The following CRTC3 variants were observed in gnomAD, a reference collection of about 807,000 sequenced individuals.
CRTC3 encodes the protein CREB regulated transcription coactivator 3.
A neutral mutation model predicts 74.5 loss-of-function variants in CRTC3; 26 were observed. The ratio of observed to expected loss-of-function variants is 0.35; its 90% confidence interval spans 0.26 to 0.48. CRTC3 has a LOEUF of 0.48. Among genes scored for constraint, CRTC3 ranks in the 20% least tolerant of loss-of-function variants. The pLI is 0.99. For synonymous variants in CRTC3, 377 were observed against 325.8 expected, an observed-to-expected ratio of 1.16 and a Z score of -1.69; for missense variants, 760 against 787.3, an observed-to-expected ratio of 0.97 and a Z score of 0.41.
At chr15:90,561,248 G>A (rs928464624) in intron 2 of CRTC3, among the ~76,000 whole-genome samples, 1 of 152,172 alleles carries the variant, frequency 6.6e-6, no homozygotes, top group Non-Finnish European at 1.5e-5. Flanking sequence ...ACTCCCTGTT[G>A]CAGCCTTCTA....
chr15:90,642,325 G>T lies in CRTC3; in HGVS notation c.*185G>T. 1.7e-6 allele frequency: 1 copy of T among 601,856 alleles called. No individual in the cohort carries two copies. The highest frequency in any genetic ancestry group is 2.9e-5 in the Admixed American group (1 of 34,260). 37.3% of individuals were successfully genotyped at this position (601,856 alleles called of 1,614,324 possible). A position where few individuals can be genotyped will look rare whatever the true frequency, so the allele number is the denominator to read the frequency against. ...GGCTTCCTCCAGATCACACAGCTTT[G>T]TACTGCCTCTCCCGCCTGTGGCCAA... On this transcript the variant is annotated 3_prime_UTR_variant, in exon 15 of 15. Coordinates refer to ENST00000268184, the MANE Select transcript of CRTC3 (RefSeq NM_022769.5).
chr15:90,576,559 A>C (rs1423440045), intron 2 of CRTC3, among the ~76,000 whole-genome samples: 2 of 152,032 alleles, frequency 1.3e-5, no homozygotes, highest in Non-Finnish European at 2.9e-5. Context: ...TGGGCTAGAG[A>C]GATGGAGTGA....
intron 2 of CRTC3, among the ~76,000 whole-genome samples, chr15:90,592,180 G>A (rs1177172171): frequency 6.6e-6 from 1 of 152,144 alleles, no homozygotes; most frequent in Non-Finnish European, 1.5e-5. Flanking sequence ...AAAACATTGC[G>A]TCACAGGATT....
chr15:90,634,435 C>G (rs900390594), intron 11 of CRTC3, among the ~76,000 whole-genome samples: 3 of 152,114 alleles, frequency 2.0e-5, no homozygotes, highest in African/African-American at 4.8e-5. Flanking sequence ...TCATCCATAC[C>G]CTGCTTTTAA....
intron 7 of CRTC3, among the ~76,000 whole-genome samples, chr15:90,616,396 AC>A (rs1388147022): frequency 6.6e-6 from 1 of 152,240 alleles, no homozygotes; most frequent in Non-Finnish European, 1.5e-5. Flanking sequence ...TTTATTAAAT[AC>A]AAGATAAACT....
At chr15:90,616,821 C>T (rs940619182) in intron 7 of CRTC3, among the ~76,000 whole-genome samples, 1 of 152,228 alleles carries the variant, frequency 6.6e-6, no homozygotes, top group Non-Finnish European at 1.5e-5. Flanking sequence ...CATTAAAGAG[C>T]CAACAGCCGT....
intron 2 of CRTC3, among the ~76,000 whole-genome samples, chr15:90,541,081 C>T (rs1045144435): frequency 6.6e-6 from 1 of 152,138 alleles, no homozygotes; most frequent in African/African-American, 2.4e-5. Context: ...CAGTGGAAAG[C>T]CTTGTTCAAA....
intron 10 of CRTC3, 100 bp from the exon 11 acceptor site, chr15:90,629,134 A>G (rs1968942440): frequency 8.7e-7 from 1 of 1,147,248 alleles, no homozygotes; most frequent in Non-Finnish European, 1.2e-6. Context: ...TACCTACAGA[A>G]TCATCATCGC....
At chr15:90,575,145 T>A (rs765554962) in intron 2 of CRTC3, among the ~76,000 whole-genome samples, 9 of 152,164 alleles carry the variant, frequency 5.9e-5, no homozygotes, top group Non-Finnish European at 1.2e-4. Context: ...AGGTCAGCAG[T>A]TCGAGACCAG....
chr15:90,546,646 G>A (rs1325657115), intron 2 of CRTC3, among the ~76,000 whole-genome samples: 10 of 151,504 alleles, frequency 6.6e-5, no homozygotes, highest in Admixed American at 4.6e-4. Context: ...TTTTTGAGAC[G>A]GAGTCTCACT....
At chr15:90,570,048 A>T (rs564528725) in intron 2 of CRTC3, among the ~76,000 whole-genome samples, 9 of 152,342 alleles carry the variant, frequency 5.9e-5, no homozygotes, top group African/African-American at 2.2e-4. Flanking sequence ...ATATATTACT[A>T]TGTTGAACAA....
At chr15:90,571,802 G>A (rs1056438959) in intron 2 of CRTC3, among the ~76,000 whole-genome samples, 2 of 152,086 alleles carry the variant, frequency 1.3e-5, no homozygotes, top group African/African-American at 2.4e-5. Flanking sequence ...GCAAGCGTGT[G>A]TGTGTATATA....
chr15:90,534,570 G>A (rs1966686398), intron 1 of CRTC3, among the ~76,000 whole-genome samples: 1 of 152,100 alleles, frequency 6.6e-6, no homozygotes, highest in Non-Finnish European at 1.5e-5. Flanking sequence ...TAGTTGGTTG[G>A]TTGGTTGGTT....
chr15:90,557,484 C>T (rs1297310036), intron 2 of CRTC3, among the ~76,000 whole-genome samples: 1 of 152,162 alleles, frequency 6.6e-6, no homozygotes, highest in Non-Finnish European at 1.5e-5. Flanking sequence ...TTCCCCAGCC[C>T]CCAACTAAGG....
chr15:90,546,226 A>G (rs1292228927), intron 2 of CRTC3, among the ~76,000 whole-genome samples: 1 of 152,032 alleles, frequency 6.6e-6, no homozygotes, highest in Non-Finnish European at 1.5e-5. Flanking sequence ...TGTGTGGTAC[A>G]GGGTTTGGGT....
At chr15:90,624,624 G>A (rs1453154538) in intron 9 of CRTC3, among the ~76,000 whole-genome samples, 2 of 152,106 alleles carry the variant, frequency 1.3e-5, no homozygotes, top group East Asian at 1.9e-4. Flanking sequence ...TTTTGCTCCC[G>A]GTGTCACTTA....
intron 13 of CRTC3, among the ~76,000 whole-genome samples, chr15:90,639,566 C>G (rs1969365905): frequency 6.6e-6 from 1 of 150,626 alleles, no homozygotes; most frequent in Admixed American, 6.6e-5. Flanking sequence ...TCTCATGTCT[C>G]AGACTCCTGA....
At chr15:90,632,368 G>A (rs1969070561) in intron 11 of CRTC3, among the ~76,000 whole-genome samples, 3 of 152,040 alleles carry the variant, frequency 2.0e-5, no homozygotes, top group South Asian at 2.1e-4. Context: ...GGCAGAGACT[G>A]GAGGATTGCT....
intron 6 of CRTC3, among the ~76,000 whole-genome samples, chr15:90,612,730 A>G (rs753075768): frequency 4.6e-5 from 7 of 152,224 alleles, no homozygotes; most frequent in South Asian, 4.2e-4. Context: ...CAAAATAGGA[A>G]TCCGCAACTC....
Sources: allele counts gnomAD v4.1 joint callset (sites outside exome capture counted in the v4.1 genomes callset), GRCh38; gene constraint gnomAD v4.1.1; transcripts MANE v1.5; gene names NCBI Gene and HGNC (gene_info 2026-07-23, HGNC 2026-07-21).